The following ARFGEF3 variants were observed in gnomAD, a reference collection of about 807,000 sequenced individuals.
ARFGEF3 encodes ARFGEF family member 3, also known as brefeldin A-inhibited guanine nucleotide-exchange protein 3.
ARFGEF3 carries 96 observed loss-of-function variants against 221.7 expected under a neutral mutation model. The observed-to-expected ratio is 0.43, with a 90% CI of 0.37 to 0.51. The LOEUF (loss-of-function observed/expected upper bound fraction) is 0.51, where lower values mean the gene tolerates loss of function less well. Ranked by LOEUF, ARFGEF3 falls within the 20% of genes least tolerant of loss-of-function variation. The pLI, the probability that ARFGEF3 is intolerant of heterozygous loss-of-function variation, is 0.00. For missense variants in ARFGEF3, 2,410 were observed against 2,789.9 expected (o/e 0.86, Z 3.07); for synonymous variants, 1,145 against 1,126.8 (o/e 1.02, Z -0.32).
chr6:138,181,014 A>G (rs1777068213), intron 2 of ARFGEF3, among the ~76,000 whole-genome samples: 1 of 152,184 alleles, frequency 6.6e-6, no homozygotes, highest in South Asian at 2.1e-4. Context: ...ATACCATTCT[A>G]TTTCCTAACT....
chr6:138,210,063 G>A (rs1443149583), intron 4 of ARFGEF3, 22 bp downstream of exon 4: 3 of 1,611,656 alleles, frequency 1.9e-6, no homozygotes, highest in Non-Finnish European at 2.5e-6. Context: ...GTGGCCAAGA[G>A]TGTGCGTCAC....
At chr6:138,317,926 A>C (rs1779955232) in intron 27 of ARFGEF3, among the ~76,000 whole-genome samples, 1 of 152,194 alleles carries the variant, frequency 6.6e-6, no homozygotes, top group Non-Finnish European at 1.5e-5. Context: ...GAAAAGAATG[A>C]CTTTTAGGAA....
intron 7 of ARFGEF3, among the ~76,000 whole-genome samples, chr6:138,244,075 A>G (rs1414241310): frequency 3.9e-5 from 6 of 152,244 alleles, no homozygotes; most frequent in African/African-American, 1.4e-4. Flanking sequence ...TCTCTAAAAA[A>G]TATAGTAGTA....
At position 138,336,568 on chromosome 6, in the gene ARFGEF3, C is replaced by A; in HGVS notation, c.*82C>A. 8.9e-7 allele frequency: 1 copy of A among 1,127,796 alleles called. No individual in the cohort carries two copies. The highest frequency in any genetic ancestry group is 1.3e-6 in the Non-Finnish European group (1 of 795,718). The allele number at this position is 1,127,796 out of a possible 1,614,324, so 69.9% of individuals were successfully genotyped here. ...AATACAGCTGTTGCATTTTCCCCAC[C>A]ACTAGCCCCACTTAAACTACTACTA... On this transcript the variant is annotated 3_prime_UTR_variant, in exon 34 of 34. Transcript: ENST00000251691.
chr6:138,281,771 G>A (rs1193317711), intron 14 of ARFGEF3, among the ~76,000 whole-genome samples: 1 of 152,192 alleles, frequency 6.6e-6, no homozygotes, highest in Non-Finnish European at 1.5e-5. Context: ...TTGTTGTGGT[G>A]CAGTATTTTT....
chr6:138,318,942 G>T (rs993920152), intron 27 of ARFGEF3, among the ~76,000 whole-genome samples: 5 of 152,108 alleles, frequency 3.3e-5, no homozygotes, highest in Non-Finnish European at 7.4e-5. Flanking sequence ...ATGCAAATTT[G>T]CTGACAAAGA....
intron 4 of ARFGEF3, among the ~76,000 whole-genome samples, chr6:138,227,979 C>T (rs1403911603): frequency 6.6e-6 from 1 of 152,144 alleles, no homozygotes; most frequent in South Asian, 2.1e-4. Context: ...CTTACAGGGG[C>T]CTGGAAGACA....
chr6:138,309,096 CTATT>C (rs750900642), intron 24 of ARFGEF3, among the ~76,000 whole-genome samples: 4 of 152,140 alleles, frequency 2.6e-5, no homozygotes, highest in Admixed American at 6.5e-5. Flanking sequence ...TATTTTTAAT[CTATT>C]TATTTATTAT....
At chr6:138,242,541 G>A (rs867408229) in intron 6 of ARFGEF3, among the ~76,000 whole-genome samples, 18 of 152,248 alleles carry the variant, frequency 1.2e-4, no homozygotes, top group South Asian at 4.1e-4. Flanking sequence ...TAGGGGCCAC[G>A]CACAGTATCA....
At chr6:138,211,235 C>T (rs757594190) in intron 4 of ARFGEF3, among the ~76,000 whole-genome samples, 26 of 152,244 alleles carry the variant, frequency 1.7e-4, no homozygotes, top group Admixed American at 3.9e-4. Context: ...TGTACCACTA[C>T]TGCCTCCTGC....
intron 2 of ARFGEF3, among the ~76,000 whole-genome samples, chr6:138,195,704 G>A (rs1777404072): frequency 1.3e-5 from 2 of 152,128 alleles, no homozygotes; most frequent in East Asian, 1.9e-4. Flanking sequence ...TATTATCTGT[G>A]ACTATTTTCT....
In ARFGEF3 at chr6:138,323,730, G is replaced by A. The variant is rs749086904; in HGVS notation, c.4826G>A (p.Cys1609Tyr). ...GAGGAGATGTGGAGGCTTGCCTGCT[G>A]TGCCCTGCAAGATGCGTTCTCTGCC... ...FTEEMWRLAC[C>Y]ALQDAFSATL... Residue 1609 changes from cysteine to tyrosine, a missense_variant, in exon 30 of 34, where the codon TGT (cysteine) becomes TAT (tyrosine). Cys to Tyr is a radical substitution (Grantham distance 194). Transcript: ENST00000251691. 1.2e-6 allele frequency: 2 copies of A among 1,613,992 alleles called. No individual in the cohort carries two copies. Among genetic ancestry groups the A allele is most frequent in the South Asian group, 1.1e-5 (1 of 91,084 alleles).
rs35236693 is a variant in ARFGEF3, at chr6:138,174,469, TAAAAAAAAAAAAAAA to T, written c.137+3780_137+3794del. Reference sequence around the variant, plus strand: ...GGCATCCTTCTATTTGAGCATCTGCTAAAAAAAAAAAAAAAAAAAAAAAAAAAAAAAAAAAAAATC... The same window carrying T: ...GGCATCCTTCTATTTGAGCATCTGCTAAAAAAAAAAAAAAAAAAAAAAATC... On this transcript the variant is annotated intron_variant, in intron 2 of 33. Transcript: ENST00000251691. Among the ~76,000 whole-genome samples the T allele has an allele frequency of 2.0e-3, 50 of 25,306 alleles. 1 individual carries two copies. Among genetic ancestry groups the T allele is most frequent in the Admixed American group, 0.013 (18 of 1,368 alleles). 16.6% of individuals were successfully genotyped at this position (25,306 alleles called of 152,430 possible). A position where few individuals can be genotyped will look rare whatever the true frequency, so the allele number is the denominator to read the frequency against.
intron 19 of ARFGEF3, 80 bp from the exon 20 acceptor site, chr6:138,293,913 C>T (rs1289597684): frequency 7.0e-7 from 1 of 1,436,068 alleles, no homozygotes; most frequent in African/African-American, 1.4e-5. Context: ...ATCACATCAA[C>T]AAAATTACCA....
intron 4 of ARFGEF3, among the ~76,000 whole-genome samples, chr6:138,212,737 G>A (rs1034609840): frequency 6.6e-6 from 1 of 152,188 alleles, no homozygotes; most frequent in African/African-American, 2.4e-5. Context: ...GGACATGGAT[G>A]AAGCTGAAAA....
intron 2 of ARFGEF3, among the ~76,000 whole-genome samples, chr6:138,172,616 T>C (rs1264876436): frequency 6.6e-6 from 1 of 152,216 alleles, no homozygotes; most frequent in Non-Finnish European, 1.5e-5. Context: ...AGATGATAGA[T>C]GAAAATATGT....
chr6:138,331,572 C>T (rs1042327531), intron 32 of ARFGEF3, among the ~76,000 whole-genome samples: 1 of 152,222 alleles, frequency 6.6e-6, no homozygotes, highest in Non-Finnish European at 1.5e-5. Flanking sequence ...CCAAGCTTTA[C>T]TCAATCCACA....
At chr6:138,297,141 C>T (rs976789349) in intron 21 of ARFGEF3, among the ~76,000 whole-genome samples, 186 bp downstream of exon 21, 8 of 152,198 alleles carry the variant, frequency 5.3e-5, no homozygotes, top group African/African-American at 1.9e-4. Flanking sequence ...AAAGAATCAC[C>T]CCAAAGGGCA....
intron 3 of ARFGEF3, among the ~76,000 whole-genome samples, chr6:138,209,106 G>T (rs867742936): frequency 2.0e-5 from 3 of 151,078 alleles, no homozygotes; most frequent in African/African-American, 7.4e-5. Flanking sequence ...TTGAGGTTTT[G>T]GGGGGGATGC....
Sources: gnomAD v4.1 joint callset for allele counts (sites outside exome capture counted in the v4.1 genomes callset) on GRCh38, gnomAD v4.1.1 for gene constraint, MANE v1.5 for transcripts, NCBI Gene and HGNC (gene_info 2026-07-23, HGNC 2026-07-21) for gene names.